The following GIN1 variants were observed in gnomAD, a reference collection of about 807,000 sequenced individuals.
GIN1 encodes the protein gypsy retrotransposon integrase-like protein 1.
In GIN1, 41 loss-of-function variants were observed where a neutral mutation model predicts 51.4. That is an observed-to-expected ratio of 0.80 (90% CI 0.62 to 1.04). The LOEUF is 1.04. Among genes scored for constraint, GIN1 ranks in the 50% least tolerant of loss-of-function variants. GIN1 has a pLI of 0.00. For synonymous variants in GIN1, 222 were observed against 206.5 expected (o/e 1.07, Z -0.64); for missense variants, 610 against 612.4 (o/e 1.00, Z 0.04).
intron 4 of GIN1, among the ~76,000 whole-genome samples, chr5:103,098,814 TA>T (rs1554195445): frequency 6.6e-6 from 1 of 152,184 alleles, no homozygotes; most frequent in African/African-American, 2.4e-5. Flanking sequence ...CACTAGGTCA[TA>T]AGTTAATGTT....
intron 7 of GIN1, among the ~76,000 whole-genome samples, chr5:103,089,445 TTCATTCATTCATTCATTCAC>T (rs1562323491): frequency 6.6e-6 from 1 of 152,018 alleles, no homozygotes; most frequent in South Asian, 2.1e-4. Context: ...TTTTCATTCA[TTCATTCATTCATTCATTCAC>T]TCATTCATTC....
At chr5:103,111,964 A>T (rs1329032029) in intron 1 of GIN1, among the ~76,000 whole-genome samples, 2 of 152,180 alleles carry the variant, frequency 1.3e-5, no homozygotes, top group African/African-American at 4.8e-5. Context: ...GAAAAGGTCT[A>T]TTTACTGAAA....
At chr5:103,110,149 G>C (rs1191823556) in intron 1 of GIN1, among the ~76,000 whole-genome samples, 2 of 151,348 alleles carry the variant, frequency 1.3e-5, no homozygotes, top group Non-Finnish European at 2.9e-5. Flanking sequence ...AGAAAACATA[G>C]GAAAAGATCT....
At chr5:103,106,974 TC>T in intron 2 of GIN1, 65 bp from the exon 3 acceptor site, 1 of 793,266 alleles carries the variant, frequency 1.3e-6, no homozygotes, top group Non-Finnish European at 2.0e-6. Context: ...TTTAAGAGAA[TC>T]ATAGCCTTCT....
intron 1 of GIN1, among the ~76,000 whole-genome samples, chr5:103,119,823 T>A (rs1440112498): frequency 6.6e-6 from 1 of 152,112 alleles, no homozygotes; most frequent in Non-Finnish European, 1.5e-5. Context: ...AAAACTCAAT[T>A]ACACCCAGTA....
intron 4 of GIN1, among the ~76,000 whole-genome samples, chr5:103,103,088 C>T (rs782710961): frequency 1.3e-5 from 2 of 152,162 alleles, no homozygotes; most frequent in Non-Finnish European, 2.9e-5. Flanking sequence ...CAAGGTTGGA[C>T]CTTGGCTAAT....
chr5:103,107,018 TAA>T (rs1787746363), intron 2 of GIN1, 109 bp from the exon 3 acceptor site: 2 of 616,280 alleles, frequency 3.2e-6, no homozygotes, highest in Non-Finnish European at 5.5e-6. Context: ...TTTTGTTTTG[TAA>T]AATCTTACTG....
chr5:103,093,264 CT>C (rs1210491610), intron 7 of GIN1, among the ~76,000 whole-genome samples: 1 of 152,062 alleles, frequency 6.6e-6, no homozygotes, highest in Non-Finnish European at 1.5e-5. Context: ...TTATCCTGGA[CT>C]TTTTGGGCAG....
intron 4 of GIN1, among the ~76,000 whole-genome samples, chr5:103,100,413 A>G (rs1398384995): frequency 6.6e-6 from 1 of 151,560 alleles, no homozygotes; most frequent in South Asian, 2.1e-4. Flanking sequence ...TATTTTTTTG[A>G]GACAGGGTCT....
intron 1 of GIN1, among the ~76,000 whole-genome samples, chr5:103,119,836 C>G (rs547059433): frequency 5.3e-5 from 8 of 152,316 alleles, no homozygotes; most frequent in Non-Finnish European, 8.8e-5. Flanking sequence ...ACCCAGTAGG[C>G]ACCTCCCCAG....
Position 103,087,993 on chromosome 5 carries a change from T to C in GIN1, c.1474A>G (p.Lys492Glu), listed in dbSNP as rs1554194113. Residue 492 changes from lysine (K) to glutamate (E), a missense_variant, in exon 8 of 8, where the codon AAA becomes GAA. By Grantham distance (56) the Lys-to-Glu change is moderately conservative (BLOSUM62 1). Transcript: ENST00000399004. ...TGATCGTCTATCAATGGAGAGATTT[T>C]CGTATTTCTATATTCTAATAGTTCA... ...DRELLEYRNT[K>E]ISPLIDDHSS... 1 of 1,601,268 alleles carries C rather than the reference T, an allele frequency of 6.2e-7. No individual in the cohort carries two copies. Among genetic ancestry groups the C allele is most frequent in the Non-Finnish European group, 8.6e-7 (1 of 1,168,754 alleles).
intron 4 of GIN1, among the ~76,000 whole-genome samples, chr5:103,098,128 G>A (rs1787461158): frequency 6.6e-6 from 1 of 152,118 alleles, no homozygotes; most frequent in African/African-American, 2.4e-5. Flanking sequence ...TGATCCACCT[G>A]CCTTGGCCTC....
At chr5:103,111,197 C>A (rs782092565) in intron 1 of GIN1, among the ~76,000 whole-genome samples, 16 of 151,528 alleles carry the variant, frequency 1.1e-4, no homozygotes, top group Non-Finnish European at 2.1e-4. Flanking sequence ...AAAAAAGAAA[C>A]CAAAATCATT....
intron 3 of GIN1, chr5:103,106,509 T>A: frequency 2.6e-6 from 1 of 386,206 alleles, no homozygotes; most frequent in East Asian, 4.2e-5. Flanking sequence ...AATATGGTAT[T>A]TTCAAGTGTT....
intron 4 of GIN1, among the ~76,000 whole-genome samples, chr5:103,100,389 A>ATTG (rs1787535980): frequency 6.6e-6 from 1 of 150,902 alleles, no homozygotes; most frequent in African/African-American, 2.5e-5. Context: ...ACAGCCTATT[A>ATTG]TTATTATTAT....
chr5:103,091,240 TATATAAA>T (rs782242370), intron 7 of GIN1, among the ~76,000 whole-genome samples: 6 of 152,188 alleles, frequency 3.9e-5, no homozygotes, highest in Non-Finnish European at 8.8e-5. Flanking sequence ...TACACTGGAT[TATATAAA>T]ATATATTATT....
intron 7 of GIN1, among the ~76,000 whole-genome samples, chr5:103,090,659 GT>G (rs1554194446): frequency 6.6e-6 from 1 of 152,074 alleles, no homozygotes; most frequent in Non-Finnish European, 1.5e-5. Context: ...GTCTGTAAAA[GT>G]TTTTTCATAC....
intron 7 of GIN1, among the ~76,000 whole-genome samples, chr5:103,092,951 A>G (rs1238800747): frequency 1.1e-4 from 15 of 139,890 alleles, no homozygotes; most frequent in African/African-American, 3.5e-4. Flanking sequence ...GTCTCAAAAA[A>G]AAAAAAAAAA....
At chr5:103,113,244 C>T (rs1210205115) in intron 1 of GIN1, among the ~76,000 whole-genome samples, 2 of 152,124 alleles carry the variant, frequency 1.3e-5, no homozygotes, top group Non-Finnish European at 2.9e-5. Context: ...TTGTTTTAGT[C>T]CACTTGGGCG....
Sources: allele counts gnomAD v4.1 joint callset (sites outside exome capture counted in the v4.1 genomes callset), GRCh38; gene constraint gnomAD v4.1.1; transcripts MANE v1.5; gene names NCBI Gene and HGNC (gene_info 2026-07-23, HGNC 2026-07-21).